Variants in PPFIBP2 observed in about 807,000 individuals in gnomAD.
PPFIBP2 encodes liprin-beta-2.
A neutral mutation model predicts 118.3 loss-of-function variants in PPFIBP2; 118 were observed. That is an observed-to-expected ratio of 1.00 (90% CI 0.86 to 1.16). The LOEUF (loss-of-function observed/expected upper bound fraction) is 1.16. Ranked by LOEUF, PPFIBP2 falls within the 50% of genes most tolerant of loss-of-function variation. The probability of loss-of-function intolerance (pLI) is 0.00; values close to 1 mark genes in which losing one functional copy is unlikely to be tolerated. For synonymous variants in PPFIBP2, 414 were observed against 397.4 expected (o/e 1.04, Z -0.50); for missense variants, 1,195 against 1,073.1 (o/e 1.11, Z -1.59).
intron 5 of PPFIBP2, among the ~76,000 whole-genome samples, chr11:7,602,351 G>A (rs377481141): frequency 2.6e-5 from 4 of 152,166 alleles, no homozygotes; most frequent in African/African-American, 9.7e-5. Context: ...CTCAAACTAT[G>A]CTGGCAACAA....
At chr11:7,524,602 C>A (rs774120239) in intron 1 of PPFIBP2, among the ~76,000 whole-genome samples, 1 of 152,196 alleles carries the variant, frequency 6.6e-6, no homozygotes, top group Non-Finnish European at 1.5e-5. Flanking sequence ...ATTGTCCGAA[C>A]TGAACACTTT....
intron 6 of PPFIBP2, among the ~76,000 whole-genome samples, chr11:7,615,023 C>T (rs1848471206): frequency 6.6e-6 from 1 of 152,034 alleles, no homozygotes; most frequent in Non-Finnish European, 1.5e-5. Context: ...AGGAGGTGGG[C>T]CAGCCCTGGA....
chr11:7,548,905 G>A (rs1360582602), intron 1 of PPFIBP2, among the ~76,000 whole-genome samples: 1 of 152,174 alleles, frequency 6.6e-6, no homozygotes, highest in Non-Finnish European at 1.5e-5. Context: ...CCAATTGGAG[G>A]AGTGGAAGTG....
chr11:7,618,318 G>T (rs768750280), intron 6 of PPFIBP2, among the ~76,000 whole-genome samples: 2 of 152,172 alleles, frequency 1.3e-5, no homozygotes, highest in Non-Finnish European at 2.9e-5. Flanking sequence ...AAGGAAAAAC[G>T]TGTGTGTACT....
intron 1 of PPFIBP2, among the ~76,000 whole-genome samples, chr11:7,527,079 A>G (rs1850295414): frequency 6.7e-6 from 1 of 149,846 alleles, no homozygotes; most frequent in African/African-American, 2.4e-5. Context: ...GGTCACAAGA[A>G]TGTCCTCCTG....
chr11:7,532,341 A>G (rs1317462124), intron 1 of PPFIBP2, among the ~76,000 whole-genome samples: 3 of 152,228 alleles, frequency 2.0e-5, no homozygotes, highest in African/African-American at 7.2e-5. Flanking sequence ...ACTGGGGGTT[A>G]GGACTTCAAC....
intron 7 of PPFIBP2, among the ~76,000 whole-genome samples, chr11:7,621,624 C>G (rs539286596): frequency 6.6e-6 from 1 of 152,150 alleles, no homozygotes; most frequent in East Asian, 1.9e-4. Context: ...GTGCAGAGAT[C>G]AAAACTAGTG....
intron 6 of PPFIBP2, among the ~76,000 whole-genome samples, chr11:7,614,415 G>A (rs1411189354): frequency 2.0e-5 from 3 of 152,092 alleles, no homozygotes; most frequent in Non-Finnish European, 2.9e-5. Flanking sequence ...CAGTCTTGGA[G>A]TTCTTTTTAC....
intron 1 of PPFIBP2, among the ~76,000 whole-genome samples, chr11:7,523,693 T>C (rs1240826453): frequency 6.6e-6 from 1 of 152,190 alleles, no homozygotes; most frequent in East Asian, 1.9e-4. Context: ...ATTTGTTAGC[T>C]CAAGGGAGGC....
At chr11:7,615,771 A>G (rs950719815) in intron 6 of PPFIBP2, among the ~76,000 whole-genome samples, 2 of 152,250 alleles carry the variant, frequency 1.3e-5, no homozygotes, top group Non-Finnish European at 2.9e-5. Context: ...GAAAGTGGTC[A>G]TTGTTATTTG....
chr11:7,533,350 C>G (rs1850921917), intron 1 of PPFIBP2, among the ~76,000 whole-genome samples: 1 of 152,156 alleles, frequency 6.6e-6, no homozygotes, highest in African/African-American at 2.4e-5. Context: ...CATGCCCAGC[C>G]TCCCTTCACT....
At chr11:7,522,424 C>G (rs981596340) in intron 1 of PPFIBP2, among the ~76,000 whole-genome samples, 3 of 152,158 alleles carry the variant, frequency 2.0e-5, no homozygotes, top group Non-Finnish European at 4.4e-5. Flanking sequence ...TAGTTTCTTG[C>G]TTGCCCTTTA....
At chr11:7,634,402 A>C (rs750015919) in intron 12 of PPFIBP2, 93 bp from the exon 13 acceptor site, 8 of 1,025,620 alleles carry the variant, frequency 7.8e-6, no homozygotes, top group Non-Finnish European at 1.1e-5. Context: ...CCTAAGCCCA[A>C]GACCATCGGT....
At chr11:7,665,657 C>T in the PPFIBP2 span, 7 of 1,283,234 alleles carry the variant, frequency 5.5e-6, no homozygotes, top group Middle Eastern at 2.1e-4. Flanking sequence ...AGCTGCTCTA[C>T]AAAGGCTTAG....
intron 2 of PPFIBP2, among the ~76,000 whole-genome samples, chr11:7,559,666 TG>T (rs1854071810): frequency 6.6e-6 from 1 of 152,152 alleles, no homozygotes; most frequent in African/African-American, 2.4e-5. Context: ...TCCCTGCCGT[TG>T]GGTGAATTTT....
At chr11:7,660,393 T>G (rs1854864965), downstream of PPFIBP2, among the ~76,000 whole-genome samples, 2 of 102,064 alleles carry the variant, frequency 2.0e-5, 1 homozygote, top group African/African-American at 5.8e-5. Flanking sequence ...TTTTTCTGCA[T>G]CTATTGAGAT....
chr11:7,606,014 A>C, intron 5 of PPFIBP2: 2 of 1,534,280 alleles, frequency 1.3e-6, no homozygotes, highest in Non-Finnish European at 1.7e-6. Flanking sequence ...AGTGCGCCTA[A>C]AGTAGGTAGA....
chr11:7,606,155 T>C, intron 5 of PPFIBP2: 1 of 1,040,772 alleles, frequency 9.6e-7, no homozygotes, highest in Non-Finnish European at 1.3e-6. Context: ...GGCAAAATAC[T>C]GGCTTGGAAG....
intron 13 of PPFIBP2, 80 bp from the exon 14 acceptor site, chr11:7,635,472 T>G (rs1271526237): frequency 2.2e-5 from 30 of 1,341,850 alleles, no homozygotes; most frequent in Admixed American, 3.4e-5. Flanking sequence ...AGCAAACAGG[T>G]AGTCCTGAGT....
Sources: gnomAD v4.1 joint callset for allele counts (sites outside exome capture counted in the v4.1 genomes callset) on GRCh38, gnomAD v4.1.1 for gene constraint, MANE v1.5 for transcripts, NCBI Gene and HGNC (gene_info 2026-07-23, HGNC 2026-07-21) for gene names.